Variants in SPOCK1 observed in about 807,000 individuals in gnomAD.
The protein encoded by SPOCK1 is SPARC (osteonectin), cwcv and kazal like domains proteoglycan 1.
SPOCK1 carries 23 observed loss-of-function variants against 55.3 expected under a neutral mutation model. The observed-to-expected ratio is 0.42, with a 90% CI of 0.30 to 0.59. SPOCK1 has a LOEUF of 0.59. Ranked by LOEUF, SPOCK1 falls within the 20% of genes least tolerant of loss-of-function variation. SPOCK1 has a pLI of 0.22. For missense variants in SPOCK1, 499 were observed against 552.5 expected (o/e 0.90, Z 0.97); for synonymous variants, 226 against 221.0 (o/e 1.02, Z -0.20).
At chr5:137,298,616 A>G (rs914376689) in intron 2 of SPOCK1, among the ~76,000 whole-genome samples, 1 of 152,280 alleles carries the variant, frequency 6.6e-6, no homozygotes. Flanking sequence ...ACAAGAGAGA[A>G]TCTGTTTATT....
At chr5:137,171,675 CAA>C (rs1443369864) in intron 3 of SPOCK1, among the ~76,000 whole-genome samples, 21 of 152,050 alleles carry the variant, frequency 1.4e-4, no homozygotes, top group Admixed American at 1.3e-3. Context: ...ATAATAAAGA[CAA>C]GAGAGGAAAA....
chr5:137,389,417 T>C (rs900539340), intron 2 of SPOCK1, among the ~76,000 whole-genome samples: 9 of 152,268 alleles, frequency 5.9e-5, no homozygotes, highest in East Asian at 1.9e-4. Context: ...CAAAACATCC[T>C]TCATCAGGGT....
At chr5:137,372,549 C>T (rs1416735059) in intron 2 of SPOCK1, among the ~76,000 whole-genome samples, 2 of 152,236 alleles carry the variant, frequency 1.3e-5, no homozygotes, top group African/African-American at 4.8e-5. Flanking sequence ...TTTTCAACAG[C>T]ACCCAACTGA....
chr5:137,196,172 C>T (rs1755295152), intron 3 of SPOCK1, among the ~76,000 whole-genome samples: 2 of 152,104 alleles, frequency 1.3e-5, no homozygotes, highest in Admixed American at 6.5e-5. Flanking sequence ...AGTCCATCTA[C>T]GTGCCACCAT....
chr5:137,359,772 A>G (rs556847407), intron 2 of SPOCK1, among the ~76,000 whole-genome samples: 13 of 152,384 alleles, frequency 8.5e-5, no homozygotes, highest in African/African-American at 2.9e-4. Context: ...ATACATAGGC[A>G]GATACATTTC....
At position 136,977,593 on chromosome 5, in the gene SPOCK1, G is replaced by A. The variant is rs1172849326; in HGVS notation, c.*1061C>T. Reference sequence around the variant, plus strand: ...TGCATGCCTTAGAAAAAGCCCTTGAGTAGGTAAGGAAGGAAGAAACCTATG... The same window carrying A: ...TGCATGCCTTAGAAAAAGCCCTTGAATAGGTAAGGAAGGAAGAAACCTATG... On this transcript the variant is annotated 3_prime_UTR_variant, in exon 11 of 11. Coordinates refer to ENST00000394945, the MANE Select transcript of SPOCK1 (RefSeq NM_004598.4). 2.6e-6 allele frequency: 1 copy of A among 390,056 alleles called. No individual in the cohort carries two copies. The highest frequency in any genetic ancestry group is 4.5e-5 in the Admixed American group (1 of 22,448). The allele number at this position is 390,056 out of a possible 1,614,324, so 24.2% of individuals were successfully genotyped here.
At chr5:137,038,530 G>A (rs534610151) in intron 6 of SPOCK1, among the ~76,000 whole-genome samples, 19 of 152,214 alleles carry the variant, frequency 1.2e-4, no homozygotes, top group Non-Finnish European at 2.4e-4. Context: ...AAAGGAAGAA[G>A]GCAGGGAAGG....
chr5:137,367,473 C>T (rs1751098741), intron 2 of SPOCK1, among the ~76,000 whole-genome samples: 1 of 152,154 alleles, frequency 6.6e-6, no homozygotes, highest in African/African-American at 2.4e-5. Flanking sequence ...CTGGGGGACA[C>T]TTTCCTGTAA....
intron 2 of SPOCK1, among the ~76,000 whole-genome samples, chr5:137,304,492 C>T (rs1021290451): frequency 1.2e-4 from 18 of 152,002 alleles, no homozygotes; most frequent in East Asian, 3.9e-4. Flanking sequence ...TTGTGCGGGG[C>T]GGGGGGACAG....
At chr5:137,324,303 G>A (rs1758034446) in intron 2 of SPOCK1, among the ~76,000 whole-genome samples, 1 of 152,130 alleles carries the variant, frequency 6.6e-6, no homozygotes, top group African/African-American at 2.4e-5. Flanking sequence ...AAATTAGCCA[G>A]GTGTGGGGAT....
intron 2 of SPOCK1, among the ~76,000 whole-genome samples, chr5:137,491,964 C>G (rs1388949474): frequency 6.6e-6 from 1 of 152,206 alleles, no homozygotes; most frequent in Non-Finnish European, 1.5e-5. Flanking sequence ...CACTTGCTAT[C>G]TATGATGCCA....
At chr5:137,160,452 T>G (rs1754507144) in intron 3 of SPOCK1, among the ~76,000 whole-genome samples, 1 of 119,556 alleles carries the variant, frequency 8.4e-6, no homozygotes, top group Admixed American at 1.1e-4. Context: ...TGTATATATA[T>G]ATGGGACATA....
chr5:137,195,501 C>T (rs1755280266), intron 3 of SPOCK1, among the ~76,000 whole-genome samples: 1 of 152,232 alleles, frequency 6.6e-6, no homozygotes, highest in African/African-American at 2.4e-5. Context: ...GCGCTGACAT[C>T]ATTACTGCCT....
At position 137,442,536 on chromosome 5, in the gene SPOCK1, A is replaced by G. The variant is rs1753037152; in HGVS notation, c.186+55837T>C. ...TAAGATAGTGCGTGTACAACACTGA[A>G]GCCCACTACCTTGCACACAGAGTAG... On this transcript the variant is annotated intron_variant, in intron 2 of 10. Coordinates refer to ENST00000394945, the MANE Select transcript of SPOCK1 (RefSeq NM_004598.4). 2.0e-5 allele frequency among the ~76,000 whole-genome samples: 3 copies of G among 152,380 alleles called. No homozygotes were observed. The South Asian group carries it at 6.2e-4, about 32-fold the overall frequency.
intron 2 of SPOCK1, among the ~76,000 whole-genome samples, chr5:137,470,970 G>A (rs1260074107): frequency 6.6e-6 from 1 of 152,172 alleles, no homozygotes; most frequent in Admixed American, 6.5e-5. Flanking sequence ...AATGTAAACT[G>A]GGGGAAAACA....
chr5:137,133,696 T>TA (rs1054730733), intron 4 of SPOCK1, among the ~76,000 whole-genome samples: 5 of 151,968 alleles, frequency 3.3e-5, no homozygotes, highest in East Asian at 3.9e-4. Flanking sequence ...TTCTGCTGTT[T>TA]AAAAAAAAGA....
At chr5:137,124,770 C>T (rs1294641390) in intron 4 of SPOCK1, among the ~76,000 whole-genome samples, 1 of 152,190 alleles carries the variant, frequency 6.6e-6, no homozygotes, top group Non-Finnish European at 1.5e-5. Flanking sequence ...CTCTCACCAC[C>T]AAGGCCAAGC....
At chr5:137,068,149 G>C (rs1437625582) in intron 5 of SPOCK1, among the ~76,000 whole-genome samples, 1 of 152,078 alleles carries the variant, frequency 6.6e-6, no homozygotes, top group Non-Finnish European at 1.5e-5. Flanking sequence ...ATCTGGTCCA[G>C]GAACCCCCTC....
At chr5:137,439,573 C>T (rs767485163) in intron 2 of SPOCK1, among the ~76,000 whole-genome samples, 2 of 152,210 alleles carry the variant, frequency 1.3e-5, no homozygotes, top group Non-Finnish European at 2.9e-5. Context: ...GAGCTGCCTG[C>T]TCCTTCTCTA....
Sources: gnomAD v4.1 joint callset for allele counts (sites outside exome capture counted in the v4.1 genomes callset) on GRCh38, gnomAD v4.1.1 for gene constraint, MANE v1.5 for transcripts, NCBI Gene and HGNC (gene_info 2026-07-23, HGNC 2026-07-21) for gene names.